The following BAHCC1 variants were observed in gnomAD, a reference collection of about 807,000 sequenced individuals.
The protein encoded by BAHCC1 is BAH and coiled-coil domain-containing protein 1.
A neutral mutation model predicts 88.2 loss-of-function variants in BAHCC1; 43 were observed. That is an observed-to-expected ratio of 0.49 (90% CI 0.38 to 0.63). The LOEUF (loss-of-function observed/expected upper bound fraction) is 0.63. BAHCC1 is among the 20% of genes least tolerant of loss of function. The probability of loss-of-function intolerance (pLI) is 0.00; values close to 1 mark genes in which losing one functional copy is unlikely to be tolerated. For synonymous variants in BAHCC1, 1,510 were observed against 745.5 expected (o/e 2.03, Z -16.71); for missense variants, 3,023 against 1,654.8 (o/e 1.83, Z -14.34).
At chr17:81,452,160 G>T in intron 13 of BAHCC1, 53 bp downstream of exon 13, 1 of 437,312 alleles carries the variant, frequency 2.3e-6, no homozygotes, top group East Asian at 3.4e-5. Flanking sequence ...CCCCACCCCC[G>T]GGAGGCGCCC....
intron 2 of BAHCC1, among the ~76,000 whole-genome samples, chr17:81,409,159 A>G (rs895504348): frequency 8.5e-5 from 13 of 152,344 alleles, no homozygotes; most frequent in African/African-American, 2.9e-4. Context: ...GTGGGGCCAC[A>G]GGCTGCGTGG....
chr17:81,407,617 CCT>C lies in BAHCC1; in HGVS notation c.178+7704_178+7705del, dbSNP rs1403027826. 2.0e-5 allele frequency among the ~76,000 whole-genome samples: 3 copies of C among 152,340 alleles called. No homozygotes were observed. In the East Asian group the frequency reaches 5.8e-4, roughly 29 times the overall value. ...AGGGGCTGCGCTGTGGGGCAGGTCC[CCT>C]CTCAGGCATGAACAGACATTGCCGC... On this transcript the variant is annotated intron_variant, in intron 2 of 27. Transcript: ENST00000675386.
chr17:81,462,502 A>G (rs545199844), intron 26 of BAHCC1: 302 of 551,550 alleles, frequency 5.5e-4, no homozygotes, highest in African/African-American at 4.6e-3. Context: ...TCCCAGATCC[A>G]GTGTCCAGAC....
intron 3 of BAHCC1, among the ~76,000 whole-genome samples, chr17:81,436,121 C>A (rs1431511789): frequency 6.6e-6 from 1 of 152,078 alleles, no homozygotes; most frequent in Non-Finnish European, 1.5e-5. Flanking sequence ...CCCATCTCCC[C>A]ACTCCCTCCT....
At chr17:81,418,538 C>T (rs62074760) in intron 2 of BAHCC1, among the ~76,000 whole-genome samples, 17,214 of 152,172 alleles carry the variant, frequency 0.11, 1,371 homozygotes, top group Non-Finnish European at 0.16. Flanking sequence ...TGGGCCGGGA[C>T]ATGCCCCGAC....
chr17:81,419,903 G>A (rs546328156), intron 2 of BAHCC1, among the ~76,000 whole-genome samples: 2 of 147,400 alleles, frequency 1.4e-5, no homozygotes, highest in Admixed American at 1.4e-4. Flanking sequence ...CTCCGCGCCC[G>A]CCTCTCCCGG....
chr17:81,408,479 GC>G (rs1388187773), intron 2 of BAHCC1, among the ~76,000 whole-genome samples: 1 of 151,926 alleles, frequency 6.6e-6, no homozygotes, highest in Non-Finnish European at 1.5e-5. Context: ...CCCTCCTGGG[GC>G]CTACCCCTGC....
intron 26 of BAHCC1, 70 bp downstream of exon 26, chr17:81,462,116 C>T (rs2030351484): frequency 1.5e-6 from 1 of 654,206 alleles, no homozygotes; most frequent in Non-Finnish European, 2.8e-6. Flanking sequence ...TGCGCCCCTG[C>T]TGCCCTTCCC....
At position 81,442,369 on chromosome 17, in the gene BAHCC1, G is replaced by A. The variant is rs1039623827; in HGVS notation, c.1020G>A (p.Arg340=). 12 of 701,870 alleles carry A rather than the reference G, an allele frequency of 1.7e-5. No homozygotes were observed. The highest frequency in any genetic ancestry group is 3.1e-5 in the Non-Finnish European group (12 of 381,332). 43.5% of individuals were successfully genotyped at this position (701,870 alleles called of 1,614,324 possible). ...PGPAFSECLE[R]RQMLHHTASY... ...CGGCCTTCAGCGAGTGCCTGGAGCG[G>A]CGGCAGATGCTACACCACACCGCAT... Residue 340 remains arginine, a synonymous_variant, in exon 5 of 28, where the codon CGG becomes CGA. Transcript: ENST00000675386.
intron 2 of BAHCC1, among the ~76,000 whole-genome samples, chr17:81,423,684 C>T (rs1931795150): frequency 1.3e-5 from 2 of 152,200 alleles, no homozygotes; most frequent in Non-Finnish European, 2.9e-5. Flanking sequence ...AGACCACCCA[C>T]GGAGCAGCAG....
chr17:81,401,825 A>G, intron 2 of BAHCC1: 1 of 152,024 alleles, frequency 6.6e-6, no homozygotes, highest in South Asian at 2.1e-4. Flanking sequence ...TCAGGTCAGC[A>G]CTCTCCCTGA....
intron 2 of BAHCC1, among the ~76,000 whole-genome samples, chr17:81,421,517 C>T (rs1372458497): frequency 6.6e-6 from 1 of 152,090 alleles, no homozygotes; most frequent in Non-Finnish European, 1.5e-5. Flanking sequence ...CCGGCAGTCC[C>T]GTCCCCCACA....
chr17:81,431,823 G>A (rs2064264244), intron 3 of BAHCC1, among the ~76,000 whole-genome samples: 1 of 152,152 alleles, frequency 6.6e-6, no homozygotes. Context: ...TTTGGAGTAG[G>A]TGTACCCTCT....
At chr17:81,448,748 G>A (rs1170124148) in intron 11 of BAHCC1, among the ~76,000 whole-genome samples, 12 of 152,206 alleles carry the variant, frequency 7.9e-5, no homozygotes, top group African/African-American at 2.9e-4. Flanking sequence ...ACGCGGCAGG[G>A]GTGGTTCCGC....
intron 2 of BAHCC1, among the ~76,000 whole-genome samples, chr17:81,424,623 A>G (rs2064152837): frequency 1.3e-5 from 2 of 149,440 alleles, no homozygotes; most frequent in Admixed American, 6.6e-5. Context: ...TGTGGTTGGT[A>G]ATGGTGGTGG....
At chr17:81,450,684 G>C (rs551342390) in intron 11 of BAHCC1, among the ~76,000 whole-genome samples, 1 of 152,314 alleles carries the variant, frequency 6.6e-6, no homozygotes, top group East Asian at 1.9e-4. Context: ...CTCTGAGGGA[G>C]GATGGAGGAA....
intron 26 of BAHCC1, 172 bp from the exon 27 acceptor site, chr17:81,462,568 G>T (rs2030394426): frequency 3.4e-6 from 2 of 583,460 alleles, no homozygotes; most frequent in South Asian, 4.2e-5. Flanking sequence ...CAGATCCATG[G>T]CTGCCATGGC....
intron 11 of BAHCC1, among the ~76,000 whole-genome samples, chr17:81,449,724 C>T (rs556651135): frequency 2.0e-5 from 3 of 151,572 alleles, no homozygotes; most frequent in Admixed American, 2.0e-4. Context: ...GGATCCTGGA[C>T]CCAGCAGCCT....
At position 81,396,822 on chromosome 17, in the gene BAHCC1, G is replaced by C. The variant is rs541876555; in HGVS notation, c.-207+1187G>C. The C allele has an allele frequency of 4.0e-3, 605 of 152,530 alleles. 1 individual carries two copies. Among genetic ancestry groups the C allele is most frequent in the Non-Finnish European group, 5.0e-3 (339 of 68,204 alleles). 9.4% of individuals were successfully genotyped at this position (152,530 alleles called of 1,614,324 possible). ...TGTGCTCCTAGGTTCAGTTCCTTCC[G>C]AAATGCCCTCGTCAGCGATTCTCCG... On this transcript the variant is annotated intron_variant, in intron 1 of 27. Coordinates refer to ENST00000675386, the MANE Select transcript of BAHCC1 (RefSeq NM_001377448.1).
Sources: allele counts gnomAD v4.1 joint callset (sites outside exome capture counted in the v4.1 genomes callset), GRCh38; gene constraint gnomAD v4.1.1; transcripts MANE v1.5; gene names NCBI Gene and HGNC (gene_info 2026-07-23, HGNC 2026-07-21).